The following CSMD1 variants were observed in gnomAD, a reference collection of about 807,000 sequenced individuals.
CSMD1 encodes CUB and sushi domain-containing protein 1.
Under a neutral mutation model 417.5 loss-of-function variants are expected in CSMD1, and 213 were observed. The observed-to-expected ratio is 0.51, with a 90% CI of 0.46 to 0.57. The LOEUF (loss-of-function observed/expected upper bound fraction) is 0.57. Ranked by LOEUF, CSMD1 falls within the 20% of genes least tolerant of loss-of-function variation. The pLI is 0.00. For missense variants in CSMD1, 6,923 were observed against 4,529.7 expected (o/e 1.53, Z -15.17); for synonymous variants, 2,862 against 1,736.8 (o/e 1.65, Z -16.11).
At chr8:3,144,801 GGGGGA>G (rs1393720311) in intron 40 of CSMD1, among the ~76,000 whole-genome samples, 1 of 139,974 alleles carries the variant, frequency 7.1e-6, no homozygotes, top group South Asian at 2.4e-4. Flanking sequence ...ACAAGGGGGG[GGGGGA>G]GGGAGGGAGG....
At chr8:4,183,022 G>C (rs180875658) in intron 3 of CSMD1, among the ~76,000 whole-genome samples, 3 of 152,278 alleles carry the variant, frequency 2.0e-5, no homozygotes, top group Admixed American at 2.0e-4. Flanking sequence ...CATGGGATGA[G>C]TAGAAAGTAC....
chr8:3,477,228 G>T (rs1817484892), intron 11 of CSMD1, among the ~76,000 whole-genome samples: 1 of 152,148 alleles, frequency 6.6e-6, no homozygotes, highest in Admixed American at 6.5e-5. Flanking sequence ...TGGATTTTAT[G>T]GGTATGTACC....
chr8:4,111,491 C>G (rs1585335879), intron 3 of CSMD1, among the ~76,000 whole-genome samples: 1 of 152,106 alleles, frequency 6.6e-6, no homozygotes, highest in Non-Finnish European at 1.5e-5. Context: ...GCAGCACTAT[C>G]CACAATAGCA....
chr8:3,423,210 G>T (rs166582), intron 12 of CSMD1, among the ~76,000 whole-genome samples: 134,955 of 152,234 alleles, frequency 0.89, 60,024 homozygotes, highest in Middle Eastern at 0.95. Flanking sequence ...AACAATTTAA[G>T]GAGTCTTAAT....
At chr8:4,614,504 A>T (rs560603865) in intron 2 of CSMD1, among the ~76,000 whole-genome samples, 4 of 152,290 alleles carry the variant, frequency 2.6e-5, no homozygotes, top group African/African-American at 7.2e-5. Flanking sequence ...TATTTTTAAG[A>T]TTCATATACT....
chr8:3,673,115 C>T (rs1302045928), intron 7 of CSMD1, among the ~76,000 whole-genome samples: 1 of 152,098 alleles, frequency 6.6e-6, no homozygotes, highest in Admixed American at 6.5e-5. Context: ...ATAAATGAAT[C>T]AATTAATACA....
chr8:4,055,283 T>C (rs574851966), intron 3 of CSMD1, among the ~76,000 whole-genome samples: 102 of 152,280 alleles, frequency 6.7e-4, no homozygotes, highest in Non-Finnish European at 1.3e-3. Flanking sequence ...TTTGTATTAT[T>C]GTTTTTCTCT....
intron 3 of CSMD1, among the ~76,000 whole-genome samples, chr8:4,180,320 T>C (rs986852122): frequency 6.6e-6 from 1 of 151,074 alleles, no homozygotes; most frequent in Non-Finnish European, 1.5e-5. Context: ...AGTAAACTAT[T>C]GCAAGGACAA....
At chr8:4,193,798 G>C (rs1051702120) in intron 3 of CSMD1, among the ~76,000 whole-genome samples, 2 of 152,068 alleles carry the variant, frequency 1.3e-5, no homozygotes, top group Admixed American at 6.5e-5. Context: ...ATCGAAGGAT[G>C]CTATGGCGAG....
intron 21 of CSMD1, among the ~76,000 whole-genome samples, chr8:3,353,787 T>C: frequency 6.6e-6 from 1 of 152,202 alleles, no homozygotes; most frequent in Non-Finnish European, 1.5e-5. Flanking sequence ...TACAAATCAC[T>C]TGCTGTTTTA....
intron 1 of CSMD1, among the ~76,000 whole-genome samples, chr8:4,778,822 T>C (rs946273069): frequency 2.0e-5 from 3 of 152,224 alleles, no homozygotes; most frequent in East Asian, 1.9e-4. Context: ...GCAGATGAGA[T>C]GCAATGATCA....
At chr8:3,016,045 T>A (rs1015446518) in intron 52 of CSMD1, among the ~76,000 whole-genome samples, 1 of 152,212 alleles carries the variant, frequency 6.6e-6, no homozygotes, top group Non-Finnish European at 1.5e-5. Flanking sequence ...GGTTTTATGA[T>A]GTTGGGCAAA....
chr8:3,657,077 G>A (rs1170807217), intron 7 of CSMD1, among the ~76,000 whole-genome samples: 1 of 152,110 alleles, frequency 6.6e-6, no homozygotes, highest in Non-Finnish European at 1.5e-5. Flanking sequence ...TCTGGAGAGA[G>A]TCCACTACCG....
chr8:4,257,535 G>C (rs770096960), intron 3 of CSMD1, among the ~76,000 whole-genome samples: 3 of 151,928 alleles, frequency 2.0e-5, no homozygotes, highest in African/African-American at 4.8e-5. Context: ...TTTGAATAAA[G>C]TCCTTTCAAT....
chr8:3,834,549 G>C (rs1309162145), intron 5 of CSMD1, among the ~76,000 whole-genome samples: 4 of 152,182 alleles, frequency 2.6e-5, no homozygotes, highest in Admixed American at 6.6e-5. Context: ...TCCAAAACTG[G>C]CTGATTTAAA....
At chr8:3,221,073 G>A (rs906616507) in intron 28 of CSMD1, among the ~76,000 whole-genome samples, 16 of 152,110 alleles carry the variant, frequency 1.1e-4, no homozygotes, top group Non-Finnish European at 1.0e-4. Flanking sequence ...GTTCTAGGTG[G>A]CTCCACTTGA....
chr8:4,080,725 G>C (rs1465914405), intron 3 of CSMD1, among the ~76,000 whole-genome samples: 1 of 152,116 alleles, frequency 6.6e-6, no homozygotes, highest in Non-Finnish European at 1.5e-5. Flanking sequence ...TCTGCCATAG[G>C]AGAGAAAAAT....
intron 37 of CSMD1, among the ~76,000 whole-genome samples, chr8:3,177,243 G>A (rs890311058): frequency 1.3e-5 from 2 of 152,282 alleles, no homozygotes; most frequent in South Asian, 2.1e-4. Flanking sequence ...GGATGCAGAC[G>A]CATGGGGAGT....
intron 8 of CSMD1, chr8:3,613,307 C>T (rs1011594800): frequency 9.6e-6 from 4 of 418,088 alleles, no homozygotes; most frequent in Non-Finnish European, 4.8e-6. Context: ...TTCCAGGTAG[C>T]TTCCCTGGTG....
Sources: allele counts gnomAD v4.1 joint callset (sites outside exome capture counted in the v4.1 genomes callset), GRCh38; gene constraint gnomAD v4.1.1; transcripts MANE v1.5; gene names NCBI Gene and HGNC (gene_info 2026-07-23, HGNC 2026-07-21).